The following RIF1 variants were observed in gnomAD, a reference collection of about 807,000 sequenced individuals.
RIF1 encodes the protein telomere-associated protein RIF1.
RIF1 carries 45 observed loss-of-function variants against 247.1 expected under a neutral mutation model. The ratio of observed to expected loss-of-function variants is 0.18; its 90% CI spans 0.14 to 0.23. The LOEUF is 0.23. Among genes scored for constraint, RIF1 ranks in the 10% least tolerant of loss-of-function variants. The probability of loss-of-function intolerance (pLI) is 1.00; values close to 1 mark genes in which losing one functional copy is unlikely to be tolerated. For missense variants in RIF1, 2,967 were observed against 2,862.5 expected (o/e 1.04, Z -0.83); for synonymous variants, 1,087 against 978.8 (o/e 1.11, Z -2.06).
chr2:151,430,584 T>C (rs983924985), intron 9 of RIF1, among the ~76,000 whole-genome samples: 1 of 152,212 alleles, frequency 6.6e-6, no homozygotes, highest in African/African-American at 2.4e-5. Context: ...TCTCCCAAAG[T>C]GCTGGGATTA....
intron 3 of RIF1, among the ~76,000 whole-genome samples, chr2:151,412,260 G>GTTTC (rs10668024): frequency 0.94 from 142,192 of 151,910 alleles, 67,250 homozygotes; most frequent in East Asian, 1. Context: ...TATCTCCAAA[G>GTTTC]TTTGAGTTCT....
the RIF1 span, among the ~76,000 whole-genome samples, chr2:151,523,683 G>A: frequency 6.6e-6 from 1 of 152,228 alleles, no homozygotes; most frequent in African/African-American, 2.4e-5. Context: ...TGGTAACTGG[G>A]TTTGGGCAAC....
At position 151,410,397 on chromosome 2, in the gene RIF1, TC is replaced by T. The variant is rs1423259677; in HGVS notation, c.-10-15del. On this transcript the variant is annotated splice_polypyrimidine_tract_variant and intron_variant, in intron 1 of 35. Coordinates refer to ENST00000444746, the MANE Select transcript of RIF1 (RefSeq NM_018151.5). The stretch of plus-strand genomic sequence containing the variant: ...CATCGGTCACTGGATTTTCTCCTCT[TC>T]CGGTTCGGGCCTCAGGGTGGCCGAC... The T allele has an allele frequency of 5.0e-6, 8 of 1,602,532 alleles. No individual in the cohort carries two copies. The highest frequency in any genetic ancestry group is 2.7e-5 in the African/African-American group (2 of 74,488).
At chr2:151,525,965 A>T in the RIF1 span, 1 of 1,613,408 alleles carries the variant, frequency 6.2e-7, no homozygotes, top group Non-Finnish European at 8.5e-7. Flanking sequence ...TACATCACTG[A>T]CATGCTTGGT....
At chr2:151,508,068 A>G, downstream of RIF1, 1 of 1,610,734 alleles carries the variant, frequency 6.2e-7, no homozygotes, top group Non-Finnish European at 8.5e-7. Flanking sequence ...AAACAGTCTC[A>G]TAATACGACA....
the RIF1 span, among the ~76,000 whole-genome samples, chr2:151,520,347 G>A: frequency 2.6e-5 from 4 of 152,128 alleles, no homozygotes; most frequent in African/African-American, 9.7e-5. Context: ...CTTCAAGTGT[G>A]ATTTCAGACT....
At chr2:151,491,140 C>G (rs1268532219) in intron 9 of RIF1, 1 of 154,004 alleles carries the variant, frequency 6.5e-6, no homozygotes, top group African/African-American at 2.4e-5. Context: ...AAGCTATCCT[C>G]CCACTTCAGC....
At position 151,463,302 on chromosome 2, in the gene RIF1, T is replaced by A. The variant is rs1235746322; in HGVS notation, c.3782T>A (p.Phe1261Tyr). Residue 1261 changes from phenylalanine to tyrosine, a missense_variant, in exon 30 of 36, where the codon TTT becomes TAT. Phe to Tyr is a conservative substitution (Grantham distance 22). Transcript: ENST00000444746. Reference sequence around the variant, plus strand: ...CAGGAAACCATGATTAAAACAGATTTTCTACCAAAAGCAAAGCAAAGAGAA... The same window carrying A: ...CAGGAAACCATGATTAAAACAGATTATCTACCAAAAGCAAAGCAAAGAGAA... Reference protein sequence around the residue: ...NNQETMIKTDFLPKAKQREGT... With the variant: ...NNQETMIKTDYLPKAKQREGT... 5 of 1,612,792 alleles carry A rather than the reference T, an allele frequency of 3.1e-6. No homozygotes were observed. The highest frequency in any genetic ancestry group is 4.2e-6 in the Non-Finnish European group (5 of 1,179,756).
At chr2:151,500,304 G>A (rs1018744286) in intron 11 of RIF1, among the ~76,000 whole-genome samples, 8 of 151,928 alleles carry the variant, frequency 5.3e-5, no homozygotes, top group Non-Finnish European at 1.0e-4. Flanking sequence ...AAATATTTTG[G>A]ATTAATTCCC....
intron 10 of RIF1, chr2:151,496,978 A>G (rs1458705313): frequency 1.9e-6 from 3 of 1,581,560 alleles, no homozygotes; most frequent in Admixed American, 3.6e-5. Flanking sequence ...GACTCTCTCC[A>G]TCTCAGGAGT....
At chr2:151,507,216 G>C (rs1445057858) in intron 13 of RIF1, 2 of 501,042 alleles carry the variant, frequency 4.0e-6, no homozygotes, top group Non-Finnish European at 7.0e-6. Flanking sequence ...TAAAGCTAGG[G>C]GTTTGTTTTT....
chr2:151,414,286 CAAAA>C (rs67760163), intron 3 of RIF1, among the ~76,000 whole-genome samples: 74 of 145,230 alleles, frequency 5.1e-4, no homozygotes, highest in Non-Finnish European at 9.0e-4. Context: ...AACTCTGTCT[CAAAA>C]AAAAAAAAAA....
At chr2:151,413,677 G>A (rs1435092754) in intron 3 of RIF1, among the ~76,000 whole-genome samples, 1 of 152,182 alleles carries the variant, frequency 6.6e-6, no homozygotes, top group Non-Finnish European at 1.5e-5. Flanking sequence ...TTACTTAGTT[G>A]CTTACAACTG....
chr2:151,415,563 CAAAAAAAA>C (rs3040729), intron 4 of RIF1, among the ~76,000 whole-genome samples: 5 of 44,872 alleles, frequency 1.1e-4, no homozygotes, highest in African/African-American at 5.0e-4. Flanking sequence ...GACTCTGTCT[CAAAAAAAA>C]AAAAAAAAAA....
rs992600852 is a variant in RIF1, at chr2:151,480,132, G to A, written c.*5061G>A. ...CTCCAAAGAACAGTTAAAACCAAAT[G>A]TGTTATGGTAAGCTGTAAATACCGT... On this transcript the variant is annotated 3_prime_UTR_variant, in exon 36 of 36. Transcript: ENST00000444746. 3 of 152,062 alleles carry A rather than the reference G, an allele frequency of 2.0e-5. No individual in the cohort carries two copies. Among genetic ancestry groups the A allele is most frequent in the Admixed American group, 2.0e-4 (3 of 15,258 alleles). 9.4% of individuals were successfully genotyped at this position (152,062 alleles called of 1,614,324 possible).
chr2:151,432,462 G>A (rs950942299), intron 9 of RIF1, among the ~76,000 whole-genome samples: 38 of 152,058 alleles, frequency 2.5e-4, no homozygotes, highest in Admixed American at 2.0e-4. Flanking sequence ...TTAAGATAGG[G>A]CAGTCCTGAA....
rs1007161603 is a variant in RIF1 at position 151,456,665 on chromosome 2, A to G, written c.2652+45A>G. The G allele has an allele frequency of 2.7e-6, 3 of 1,097,876 alleles. No individual in the cohort carries two copies. In the African/African-American group the frequency reaches 4.8e-5, roughly 18 times the overall value. 68.0% of individuals were successfully genotyped at this position (1,097,876 alleles called of 1,614,324 possible). A position where few individuals can be genotyped will look rare whatever the true frequency, so the allele number is the denominator to read the frequency against. Reference sequence around the variant, plus strand: ...CATAAACCATACTTTCATGATGAGAAAATGATAGAGTTTAGATAATTTTCT... The same window carrying G: ...CATAAACCATACTTTCATGATGAGAGAATGATAGAGTTTAGATAATTTTCT... On this transcript the variant is annotated intron_variant, in intron 23 of 35. Transcript: ENST00000444746.
chr2:151,525,071 T>TAGAGTGACC, the RIF1 span: 1 of 951,472 alleles, frequency 1.1e-6, no homozygotes, highest in Non-Finnish European at 1.7e-6. Flanking sequence ...ACAGAGGAAT[T>TAGAGTGACC]AGAGTGACCA....
chr2:151,431,847 G>A (rs1207279439), intron 9 of RIF1, among the ~76,000 whole-genome samples: 1 of 152,082 alleles, frequency 6.6e-6, no homozygotes, highest in Non-Finnish European at 1.5e-5. Context: ...AAAAGGAAGT[G>A]TCTTGGACTG....
Sources: gnomAD v4.1 joint callset for allele counts (sites outside exome capture counted in the v4.1 genomes callset) on GRCh38, gnomAD v4.1.1 for gene constraint, MANE v1.5 for transcripts, NCBI Gene and HGNC (gene_info 2026-07-23, HGNC 2026-07-21) for gene names.